Variants in SIPA1L3 observed in about 807,000 individuals in gnomAD.
SIPA1L3 encodes the protein signal-induced proliferation-associated 1-like protein 3.
Under a neutral mutation model 150.1 loss-of-function variants are expected in SIPA1L3, and 59 were observed. That is an observed-to-expected ratio of 0.39 (90% CI 0.32 to 0.49). SIPA1L3 has a LOEUF of 0.49. Among genes scored for constraint, SIPA1L3 ranks in the 20% least tolerant of loss-of-function variants. The pLI, the probability that SIPA1L3 is intolerant of heterozygous loss-of-function variation, is 0.86. For missense variants in SIPA1L3, 2,211 were observed against 2,489.5 expected, an observed-to-expected ratio of 0.89 and a Z score of 2.38; for synonymous variants, 1,070 against 1,077.6, an observed-to-expected ratio of 0.99 and a Z score of 0.14.
rs370634189 is a variant in SIPA1L3 at position 37,955,710 on chromosome 19, A to G, written c.-379+48352A>G. Among the ~76,000 whole-genome samples the G allele has an allele frequency of 7.9e-5, 12 of 152,214 alleles. No homozygotes were observed. In the East Asian group the frequency reaches 2.3e-3, roughly 29 times the overall value. On this transcript the variant is annotated intron_variant, in intron 1 of 21. Transcript: ENST00000222345. ...AGGTGATAGCTCATATCAGTCGTTC[A>G]TTTGTTCTTATTGCTGAATAATATT...
intron 1 of SIPA1L3, among the ~76,000 whole-genome samples, chr19:37,925,590 C>CTTTTT (rs761234489): frequency 8.1e-5 from 9 of 110,758 alleles, no homozygotes; most frequent in Non-Finnish European, 1.3e-4. Context: ...TGATTTATTA[C>CTTTTT]TTTTTTTTTT....
chr19:37,995,671 C>A lies in SIPA1L3; in HGVS notation c.-378-33418C>A, dbSNP rs144063608. On this transcript the variant is annotated intron_variant, in intron 1 of 21. Transcript: ENST00000222345. ...GAGGAGGTGGGGCCTGGGCAGAGGG[C>A]ACAGAATGAACAAAAGCGGGTTGGG... is the stretch of plus-strand genomic sequence containing the variant. Among the ~76,000 whole-genome samples the A allele has an allele frequency of 5.0e-3, 766 of 152,174 alleles. 7 individuals carry two copies. The highest frequency in any genetic ancestry group is 0.014 in the Admixed American group (213 of 15,280).
Position 38,074,729 on chromosome 19 carries a change from AC to A in SIPA1L3, c.-310-6524del, listed in dbSNP as rs1447084576. 3.9e-5 allele frequency among the ~76,000 whole-genome samples: 6 copies of A among 152,294 alleles called. No individual in the cohort carries two copies. In the East Asian group the frequency reaches 7.7e-4, roughly 20 times the overall value. On this transcript the variant is annotated intron_variant, in intron 2 of 21. Coordinates refer to ENST00000222345, the MANE Select transcript of SIPA1L3 (RefSeq NM_015073.3). Reference sequence around the variant, plus strand: ...TGACCCACACATACTTATTTTGTTTACCCTCATTGTGTGTGTGTATGTGGTG... The same window carrying A: ...TGACCCACACATACTTATTTTGTTTACCTCATTGTGTGTGTGTATGTGGTG...
chr19:38,153,014 CA>C (rs1971862881), intron 13 of SIPA1L3, 47 bp downstream of exon 13: 1 of 1,590,974 alleles, frequency 6.3e-7, no homozygotes, highest in African/African-American at 1.3e-5. Context: ...CCTCACTCCG[CA>C]GGACCTCTTA....
At chr19:37,943,273 T>C (rs1478968555) in intron 1 of SIPA1L3, among the ~76,000 whole-genome samples, 3 of 152,016 alleles carry the variant, frequency 2.0e-5, no homozygotes, top group Non-Finnish European at 4.4e-5. Context: ...CCCAGAGAAG[T>C]GAAGTCCTTA....
At chr19:38,195,999 C>A (rs534560667) in intron 18 of SIPA1L3, among the ~76,000 whole-genome samples, 1 of 152,084 alleles carries the variant, frequency 6.6e-6, no homozygotes, top group Non-Finnish European at 1.5e-5. Context: ...AGCACACACA[C>A]ACCCTTCTCT....
chr19:38,000,130 A>G (rs1967746665), intron 1 of SIPA1L3, among the ~76,000 whole-genome samples: 2 of 127,672 alleles, frequency 1.6e-5, no homozygotes, highest in South Asian at 5.6e-4. Context: ...CTATGACAGT[A>G]TTATCATATC....
At position 38,065,915 on chromosome 19, in the gene SIPA1L3, C is replaced by CTATCTATCTATTTATT. The variant is rs74176413; in HGVS notation, c.-310-15338_-310-15337insCTATCTATTTATTTAT. On this transcript the variant is annotated intron_variant, in intron 2 of 21. Coordinates refer to ENST00000222345, the MANE Select transcript of SIPA1L3 (RefSeq NM_015073.3). Reference sequence around the variant, plus strand: ...CGGGTTTGATCTCTTATTTATTTATCTATTTATTTATTTATTTATTTATTT... The same window carrying CTATCTATCTATTTATT: ...CGGGTTTGATCTCTTATTTATTTATCTATCTATCTATTTATTTATTTATTTATTTATTTATTTATTT... Among the ~76,000 whole-genome samples the CTATCTATCTATTTATT allele has an allele frequency of 5.9e-4, 75 of 127,702 alleles. 1 individual carries two copies. The highest frequency in any genetic ancestry group is 3.8e-3 in the Middle Eastern group (1 of 260). The allele number at this position is 127,702 out of a possible 152,430, so 83.8% of individuals were successfully genotyped here.
Position 38,101,169 on chromosome 19 carries a change from G to A in SIPA1L3, c.1972G>A (p.Gly658Ser), listed in dbSNP as rs753399028. Residue 658 changes from glycine (G) to serine (S), a missense_variant, in exon 6 of 22, where the codon GGC (glycine) becomes AGC (serine). Physicochemically the swap from Gly to Ser is moderately conservative, Grantham distance 56 (BLOSUM62 0). Transcript: ENST00000222345. ...CTTTGAGGAGTTCCTCTCCCTCATC[G>A]GCGAGAAGGTCTGCCTGAAGGGCTT... ...PAFEEFLSLIGEKVCLKGFTK... is the reference protein window; with the variant it reads ...PAFEEFLSLISEKVCLKGFTK... 17 of 1,608,656 alleles carry A rather than the reference G, an allele frequency of 1.1e-5. No individual in the cohort carries two copies. Among genetic ancestry groups the A allele is most frequent in the African/African-American group, 2.7e-5 (2 of 74,812 alleles).
intron 2 of SIPA1L3, among the ~76,000 whole-genome samples, chr19:38,040,784 G>A (rs1364331373): frequency 2.6e-5 from 4 of 151,990 alleles, no homozygotes; most frequent in Admixed American, 6.6e-5. Flanking sequence ...TTTTTGAGTC[G>A]GAGTCTCGCT....
chr19:38,176,995 AAAC>A (rs1407893297), intron 15 of SIPA1L3, among the ~76,000 whole-genome samples: 1 of 151,090 alleles, frequency 6.6e-6, no homozygotes, highest in Non-Finnish European at 1.5e-5. Context: ...AACAACAAAA[AAAC>A]AAACAAACAA....
chr19:37,951,077 C>A (rs1057099898), intron 1 of SIPA1L3, among the ~76,000 whole-genome samples: 1 of 152,218 alleles, frequency 6.6e-6, no homozygotes, highest in Non-Finnish European at 1.5e-5. Flanking sequence ...TTACTGAGAC[C>A]GCTGTGTGCA....
intron 1 of SIPA1L3, among the ~76,000 whole-genome samples, chr19:37,959,271 C>T (rs139596485): frequency 2.6e-5 from 4 of 152,222 alleles, no homozygotes; most frequent in East Asian, 3.9e-4. Context: ...GAAAATGACC[C>T]GATGTCCATC....
At chr19:38,041,217 C>T (rs1304579492) in intron 2 of SIPA1L3, among the ~76,000 whole-genome samples, 1 of 150,306 alleles carries the variant, frequency 6.7e-6, no homozygotes, top group African/African-American at 2.4e-5. Context: ...AGCAATTCTC[C>T]TGCCTCAGCC....
intron 1 of SIPA1L3, among the ~76,000 whole-genome samples, chr19:37,968,018 T>A (rs1308715830): frequency 6.9e-6 from 1 of 144,940 alleles, no homozygotes; most frequent in Non-Finnish European, 1.5e-5. Context: ...ACATAGTAAG[T>A]GCTCAGTAAA....
chr19:38,045,757 G>A (rs1257173837), intron 2 of SIPA1L3, among the ~76,000 whole-genome samples: 2 of 152,080 alleles, frequency 1.3e-5, no homozygotes, highest in Non-Finnish European at 2.9e-5. Flanking sequence ...TGGAGGCTGG[G>A]GCATTTTGGC....
At chr19:38,086,505 T>C (rs1568542789) in intron 3 of SIPA1L3, among the ~76,000 whole-genome samples, 1 of 151,946 alleles carries the variant, frequency 6.6e-6, no homozygotes, top group African/African-American at 2.4e-5. Flanking sequence ...CTGGGCAACA[T>C]AGTGAGACCT....
intron 1 of SIPA1L3, among the ~76,000 whole-genome samples, chr19:37,908,175 G>T (rs2046350787): frequency 6.6e-6 from 1 of 152,144 alleles, no homozygotes; most frequent in Non-Finnish European, 1.5e-5. Flanking sequence ...CTCTGAGGGT[G>T]GGGCTCTGGC....
At chr19:37,995,216 G>A (rs1568493400) in intron 1 of SIPA1L3, among the ~76,000 whole-genome samples, 1 of 152,184 alleles carries the variant, frequency 6.6e-6, no homozygotes, top group African/African-American at 2.4e-5. Flanking sequence ...GGAGGCTGGG[G>A]CAGCACATGT....
Sources: gnomAD v4.1 joint callset for allele counts (sites outside exome capture counted in the v4.1 genomes callset) on GRCh38, gnomAD v4.1.1 for gene constraint, MANE v1.5 for transcripts, NCBI Gene and HGNC (gene_info 2026-07-23, HGNC 2026-07-21) for gene names.